The following CADM2 variants were observed in gnomAD, a reference collection of about 807,000 sequenced individuals.
CADM2 encodes cell adhesion molecule 2, also known as immunoglobulin superfamily member 4D.
CADM2 carries 12 observed loss-of-function variants against 49.8 expected under a neutral mutation model. The observed-to-expected ratio is 0.24, with a 90% CI of 0.15 to 0.39. CADM2 has a LOEUF of 0.39. Among genes scored for constraint, CADM2 ranks in the 10% least tolerant of loss-of-function variants. The pLI is 1.00. For missense variants in CADM2, 378 were observed against 492.3 expected (o/e 0.77, Z 2.20); for synonymous variants, 214 against 175.4 (o/e 1.22, Z -1.74).
At chr3:85,607,848 G>T (rs931120500) in intron 1 of CADM2, among the ~76,000 whole-genome samples, 3 of 151,772 alleles carry the variant, frequency 2.0e-5, no homozygotes, top group African/African-American at 7.3e-5. Flanking sequence ...GTAGAGACGG[G>T]GTTTCACCAT....
At chr3:85,103,133 A>G (rs1375205934) in intron 1 of CADM2, among the ~76,000 whole-genome samples, 6 of 152,128 alleles carry the variant, frequency 3.9e-5, no homozygotes, top group Admixed American at 3.9e-4. Context: ...GGAAGAATAT[A>G]TTTGTAATGA....
At chr3:86,009,563 G>T (rs1731234308) in intron 8 of CADM2, among the ~76,000 whole-genome samples, 1 of 151,684 alleles carries the variant, frequency 6.6e-6, no homozygotes, top group African/African-American at 2.4e-5. Flanking sequence ...TATTTTGTAG[G>T]TTTTACTATG....
At chr3:85,849,207 T>A (rs2074999653) in intron 3 of CADM2, among the ~76,000 whole-genome samples, 1 of 152,252 alleles carries the variant, frequency 6.6e-6, no homozygotes. Context: ...CAGGAAATGC[T>A]ATTGGCCAGT....
rs1474854303 is a variant in CADM2, at chr3:85,820,153, A to T, written c.238+17957A>T. 4.6e-5 allele frequency among the ~76,000 whole-genome samples: 7 copies of T among 152,224 alleles called. No individual in the cohort carries two copies. The South Asian group carries it at 8.3e-4, about 18-fold the overall frequency. On this transcript the variant is annotated intron_variant, in intron 3 of 9. Coordinates refer to ENST00000383699, the MANE Select transcript of CADM2 (RefSeq NM_001167675.2). ...AGCCAGCGTGAGCAGACCAAAGTGG[A>T]TAAGAAGAATAGAGGAGAGGAAGGC...
rs180877021 is a variant in CADM2 at position 85,432,174 on chromosome 3, G to A, written c.62-294348G>A. ...GGCAAAGGAGTGAGAGATCTAGAAG[G>A]ACTTGGCCCAATCACTGGTAATTGA... is the stretch of plus-strand genomic sequence containing the variant. On this transcript the variant is annotated intron_variant, in intron 1 of 9. Coordinates refer to ENST00000383699, the MANE Select transcript of CADM2 (RefSeq NM_001167675.2). 3.1e-3 allele frequency among the ~76,000 whole-genome samples: 466 copies of A among 151,898 alleles called. 1 individual carries two copies. The highest frequency in any genetic ancestry group is 0.011 in the South Asian group (54 of 4,800).
At chr3:86,024,585 T>C (rs1006455412) in intron 8 of CADM2, among the ~76,000 whole-genome samples, 1 of 152,196 alleles carries the variant, frequency 6.6e-6, no homozygotes, top group Non-Finnish European at 1.5e-5. Flanking sequence ...CATTAATACA[T>C]TGAATCCACA....
chr3:85,059,766 C>T (rs1345472929), intron 1 of CADM2, among the ~76,000 whole-genome samples: 1 of 152,170 alleles, frequency 6.6e-6, no homozygotes, highest in Non-Finnish European at 1.5e-5. Context: ...TCTTCTGCCA[C>T]AATTGTGAGG....
At chr3:85,806,130 T>C (rs1453413169) in intron 3 of CADM2, among the ~76,000 whole-genome samples, 1 of 148,346 alleles carries the variant, frequency 6.7e-6, no homozygotes, top group Admixed American at 6.8e-5. Flanking sequence ...ATTTCTGTAT[T>C]GATAAATGTT....
At chr3:85,595,813 C>G (rs974368179) in intron 1 of CADM2, among the ~76,000 whole-genome samples, 1 of 151,932 alleles carries the variant, frequency 6.6e-6, no homozygotes, top group African/African-American at 2.4e-5. Flanking sequence ...TGTATATCTT[C>G]ATTAACGAGA....
chr3:85,503,742 T>C (rs1337056341), intron 1 of CADM2, among the ~76,000 whole-genome samples: 1 of 152,200 alleles, frequency 6.6e-6, no homozygotes, highest in African/African-American at 2.4e-5. Flanking sequence ...TATAAAACTA[T>C]CACTTCAAAG....
At chr3:85,885,223 G>C (rs566190756) in intron 4 of CADM2, among the ~76,000 whole-genome samples, 172 of 151,868 alleles carry the variant, frequency 1.1e-3, no homozygotes, top group Admixed American at 3.0e-3. Context: ...AGATTTACAA[G>C]AGTATTTTCA....
intron 1 of CADM2, among the ~76,000 whole-genome samples, chr3:85,569,303 T>G (rs889078412): frequency 2.0e-5 from 3 of 152,138 alleles, no homozygotes; most frequent in African/African-American, 7.2e-5. Context: ...TCTTGCTGAC[T>G]GCTATTCCAT....
chr3:85,460,420 T>TAATTAAAAGACCTCCA (rs2038191358), intron 1 of CADM2, among the ~76,000 whole-genome samples: 1 of 152,164 alleles, frequency 6.6e-6, no homozygotes, highest in African/African-American at 2.4e-5. Flanking sequence ...TATTGATCTA[T>TAATTAAAAGACCTCCA]AATTAAAAGA....
intron 3 of CADM2, among the ~76,000 whole-genome samples, chr3:85,881,761 T>A (rs1055553080): frequency 6.6e-6 from 1 of 152,130 alleles, no homozygotes; most frequent in Non-Finnish European, 1.5e-5. Context: ...GTCCCCAACC[T>A]TTTTGGCACC....
At chr3:85,987,691 A>T (rs1356287083) in intron 8 of CADM2, among the ~76,000 whole-genome samples, 1 of 146,768 alleles carries the variant, frequency 6.8e-6, no homozygotes, top group African/African-American at 2.5e-5. Flanking sequence ...ATATAAAATA[A>T]TATAATAAAA....
intron 2 of CADM2, among the ~76,000 whole-genome samples, chr3:85,728,715 A>G (rs2067808802): frequency 1.3e-5 from 2 of 152,204 alleles, no homozygotes; most frequent in African/African-American, 4.8e-5. Flanking sequence ...GCAAATGTGG[A>G]AAGTTTCTGG....
intron 1 of CADM2, among the ~76,000 whole-genome samples, chr3:85,683,521 A>C (rs2066100880): frequency 6.6e-6 from 1 of 152,186 alleles, no homozygotes; most frequent in Non-Finnish European, 1.5e-5. Context: ...TAATATTGCA[A>C]AATCTTGATT....
intron 1 of CADM2, among the ~76,000 whole-genome samples, chr3:85,629,800 C>G (rs982272077): frequency 1.3e-5 from 2 of 151,984 alleles, no homozygotes; most frequent in African/African-American, 4.8e-5. Flanking sequence ...GTGGGCCAGA[C>G]AATTGCTTAA....
intron 1 of CADM2, among the ~76,000 whole-genome samples, chr3:85,701,892 GATAGATAGATAGATAGATAT>G (rs916490637): frequency 2.0e-5 from 3 of 150,078 alleles, no homozygotes; most frequent in African/African-American, 7.4e-5. Context: ...TAGATAGATA[GATAGATAGATAGATAGATAT>G]AAAGAAAAAG....
Sources: allele counts gnomAD v4.1 joint callset (sites outside exome capture counted in the v4.1 genomes callset), GRCh38; gene constraint gnomAD v4.1.1; transcripts MANE v1.5; gene names NCBI Gene and HGNC (gene_info 2026-07-23, HGNC 2026-07-21).